LARP6: variants seen among roughly 807,000 people sequenced by gnomAD.
The protein encoded by LARP6 is la-related protein 6.
LARP6 carries 18 observed loss-of-function variants against 32.8 expected under a neutral mutation model. That is an observed-to-expected ratio of 0.55 (90% CI 0.38 to 0.81). The LOEUF (loss-of-function observed/expected upper bound fraction) is 0.81, where lower values mean the gene tolerates loss of function less well. Ranked by LOEUF, LARP6 falls within the 40% of genes least tolerant of loss-of-function variation. The pLI is 0.00. For missense variants in LARP6, 598 were observed against 663.1 expected, an observed-to-expected ratio of 0.90 and a Z score of 1.08; for synonymous variants, 289 against 267.2, an observed-to-expected ratio of 1.08 and a Z score of -0.80.
chr15:70,853,846 C>A, intron 1 of LARP6, 43 bp downstream of exon 1: 1 of 1,209,908 alleles, frequency 8.3e-7, no homozygotes. Context: ...CGCGGCCCGG[C>A]GCCCCCTCGG....
At position 70,853,946 on chromosome 15, in the gene LARP6, C is replaced by T; in HGVS notation, c.143G>A (p.Arg48Gln). Residue 48 changes from arginine (R) to glutamine (Q), a missense_variant, in exon 1 of 3, where the codon CGG becomes CAG. Arg to Gln is a conservative substitution (Grantham distance 43). Transcript: ENST00000299213. ...GCTGCCCCAGCCGGGGCTGAGGTAC[C>T]GGGCCGGGTCCCCGGCGCCCCGAGT... ...AETRGAGDPARYLSPGWGSAS... is the reference protein window; with the variant it reads ...AETRGAGDPAQYLSPGWGSAS... 5.5e-6 allele frequency: 8 copies of T among 1,446,100 alleles called. No homozygotes were observed. Among genetic ancestry groups the T allele is most frequent in the Non-Finnish European group, 7.3e-6 (8 of 1,094,612 alleles). 89.6% of individuals were successfully genotyped at this position (1,446,100 alleles called of 1,614,324 possible). A position where few individuals can be genotyped will look rare whatever the true frequency, so the allele number is the denominator to read the frequency against.
At position 70,831,147 on chromosome 15, in the gene LARP6, A is replaced by C. The variant is rs1027846411; in HGVS notation, c.*905T>G. The C allele has an allele frequency of 2.0e-5, 3 of 152,208 alleles. No individual in the cohort carries two copies. The highest frequency in any genetic ancestry group is 2.9e-5 in the Non-Finnish European group (2 of 68,058). 9.4% of individuals were successfully genotyped at this position (152,208 alleles called of 1,614,324 possible). ...ATTCAGTGGGCCTAGGGTTGGCCTG[A>C]GAATCTGGATTTCTAATAAGTTCCC... On this transcript the variant is annotated 3_prime_UTR_variant, in exon 3 of 3. Coordinates refer to ENST00000299213, the MANE Select transcript of LARP6 (RefSeq NM_018357.4).
chr15:70,832,242 C>T lies in LARP6; in HGVS notation c.1286G>A (p.Gly429Asp). 6.2e-7 allele frequency: 1 copy of T among 1,614,102 alleles called. No homozygotes were observed. Among genetic ancestry groups the T allele is most frequent in the Non-Finnish European group, 8.5e-7 (1 of 1,179,984 alleles). ...GCGACGCCTCCGGACCCAGGGGCTGCCAGAGGGAGTGACGCTGCTGTCAGA... is the reference window on the plus strand; with the variant it reads ...GCGACGCCTCCGGACCCAGGGGCTGTCAGAGGGAGTGACGCTGCTGTCAGA... The part of the protein sequence containing the change: ...YSSDSSVTPS[G>D]SPWVRRRRQA... The change falls in exon 3 of 3, where the codon GGC (glycine) becomes GAC (aspartate). Residue 429 changes from glycine to aspartate, a missense_variant. Around this residue, in one of 3 missense-constraint regions of LARP6, gnomAD observed 368 missense variants for 397.9 expected, o/e 0.92. Coordinates refer to ENST00000299213, the MANE Select transcript of LARP6 (RefSeq NM_018357.4).
chr15:70,851,416 G>T, intron 1 of LARP6: 1 of 1,197,218 alleles, frequency 8.4e-7, no homozygotes, highest in Non-Finnish European at 1.1e-6. Flanking sequence ...GTGGGGAGAT[G>T]ATCAATAACA....
chr15:70,852,844 T>C (rs1235287929), intron 1 of LARP6, among the ~76,000 whole-genome samples: 2 of 152,156 alleles, frequency 1.3e-5, no homozygotes, highest in African/African-American at 2.4e-5. Context: ...GAGCCAGTAA[T>C]AGAGAATGGC....
In LARP6 at chr15:70,830,863, G is replaced by A. The variant is rs1028230870; in HGVS notation, c.*1189C>T. ...TAACAAACATTAACCCAAGTGAGAA[G>A]GAAAGAGAGCTAACATTTATGGAGG... On this transcript the variant is annotated 3_prime_UTR_variant, in exon 3 of 3. Transcript: ENST00000299213. 3 of 152,174 alleles carry A rather than the reference G, an allele frequency of 2.0e-5. No homozygotes were observed. The highest frequency in any genetic ancestry group is 1.3e-4 in the Admixed American group (2 of 15,282). The allele number at this position is 152,174 out of a possible 1,614,324, so 9.4% of individuals were successfully genotyped here.
Position 70,832,861 on chromosome 15 carries a change from T to C in LARP6, c.667A>G (p.Thr223Ala). ...VMEHLLKLFG[T>A]FGVISSVRIL... ...CGCACTGATGAGATGACTCCAAAAG[T>C]CCCAAAAAGCTTGAGCAGGTGTTCC... Residue 223 changes from threonine to alanine, a missense_variant, in exon 3 of 3, where the codon ACT becomes GCT. Physicochemically the swap from Thr to Ala is moderately conservative, Grantham distance 58 (BLOSUM62 0). Around this residue, in one of 3 missense-constraint regions of LARP6, gnomAD observed 368 missense variants for 397.9 expected, o/e 0.92. Coordinates refer to ENST00000299213, the MANE Select transcript of LARP6 (RefSeq NM_018357.4). 1.2e-6 allele frequency: 2 copies of C among 1,611,914 alleles called. No individual in the cohort carries two copies. Among genetic ancestry groups the C allele is most frequent in the Non-Finnish European group, 1.7e-6 (2 of 1,179,316 alleles).
Position 70,830,608 on chromosome 15 carries a change from T to G in LARP6, c.*1444A>C, listed in dbSNP as rs2032023343. 6.6e-6 allele frequency: 1 copy of G among 152,264 alleles called. No individual in the cohort carries two copies. The highest frequency in any genetic ancestry group is 2.4e-5 in the African/African-American group (1 of 41,462). The allele number at this position is 152,264 out of a possible 1,614,324, so 9.4% of individuals were successfully genotyped here. On this transcript the variant is annotated 3_prime_UTR_variant, in exon 3 of 3. Transcript: ENST00000299213. The stretch of plus-strand genomic sequence containing the variant: ...ACAAGTTAATTACCCAAGTAAAGTC[T>G]GTTTTTTTCTGGAATAAAATAGAGA...
At position 70,845,093 on chromosome 15, in the gene LARP6, T is replaced by A. The variant is rs142878993; in HGVS notation, c.201-8588A>T. Among the ~76,000 whole-genome samples the A allele has an allele frequency of 4.9e-4, 74 of 152,352 alleles. 2 individuals are homozygous for A. In the East Asian group the frequency reaches 0.014, roughly 28 times the overall value. On this transcript the variant is annotated intron_variant, in intron 1 of 2. Coordinates refer to ENST00000299213, the MANE Select transcript of LARP6 (RefSeq NM_018357.4). ...CCCATATATATACACCCAGGCTTGC[T>A]CTGTTATAAATATCTTGCATTAGTA...
chr15:70,840,913 T>TA, intron 1 of LARP6, among the ~76,000 whole-genome samples: 1 of 36,772 alleles, frequency 2.7e-5, no homozygotes, highest in Non-Finnish European at 9.1e-5. Flanking sequence ...CTTTTCTCTC[T>TA]TTTTTTTTTT....
chr15:70,833,172 G>A (rs575918022), intron 2 of LARP6, 56 bp from the exon 3 acceptor site: 3 of 1,438,990 alleles, frequency 2.1e-6, no homozygotes, highest in East Asian at 4.5e-5. Context: ...CCATCCTTGT[G>A]TATGCTATAA....
rs779373641 is a variant in LARP6, at chr15:70,836,488, C to T, written c.218G>A (p.Gly73Glu). The T allele has an allele frequency of 4.3e-6, 7 of 1,614,174 alleles. No homozygotes were observed. In the Admixed American group the frequency reaches 1.2e-4, roughly 27 times the overall value. Residue 73 changes from glycine to glutamate, a missense_variant, in exon 2 of 3, where the codon GGA (glycine) becomes GAA (glutamate). This residue lies in a region of LARP6 where 161 missense variants were observed against 148.6 expected (regional missense o/e 1.08). Transcript: ENST00000299213. ...SRGHSGTTAS[G>E]GENEREDLEQ... ...CAGGTCCTCACGCTCGTTCTCACCT[C>T]CACTTGCAGTGGTGCCACTGAGACC...
rs1426373602 is a variant in LARP6 at position 70,831,011 on chromosome 15, T to C, written c.*1041A>G. 3.3e-5 allele frequency: 5 copies of C among 152,248 alleles called. No individual in the cohort carries two copies. The highest frequency in any genetic ancestry group is 1.2e-4 in the African/African-American group (5 of 41,468). 9.4% of individuals were successfully genotyped at this position (152,248 alleles called of 1,614,324 possible). On this transcript the variant is annotated 3_prime_UTR_variant, in exon 3 of 3. Transcript: ENST00000299213. ...GTGAGAGATTGGGGGTCAAATGGACTGACCTCAAGTCCTGCAGCCTTTGTC... is the reference window on the plus strand; with the variant it reads ...GTGAGAGATTGGGGGTCAAATGGACCGACCTCAAGTCCTGCAGCCTTTGTC...
rs542637890 is a variant in LARP6, at chr15:70,844,488, A to G, written c.201-7983T>C. Among the ~76,000 whole-genome samples, 10 of 152,240 alleles carry G rather than the reference A, an allele frequency of 6.6e-5. No homozygotes were observed. In the East Asian group the frequency reaches 1.7e-3, roughly 26 times the overall value. ...GTAACTAATATTCTATATTTTATCT[A>G]TAGATACATACTGAAAGTTGAAAGT... On this transcript the variant is annotated intron_variant, in intron 1 of 2. Transcript: ENST00000299213.
chr15:70,842,056 T>C (rs985506622), intron 1 of LARP6, among the ~76,000 whole-genome samples: 1 of 152,092 alleles, frequency 6.6e-6, no homozygotes, highest in Non-Finnish European at 1.5e-5. Context: ...TTTTCTTTTC[T>C]CTTTTTGAGA....
chr15:70,850,629 G>A (rs1202523877), intron 1 of LARP6, among the ~76,000 whole-genome samples: 1 of 152,184 alleles, frequency 6.6e-6, no homozygotes, highest in Non-Finnish European at 1.5e-5. Flanking sequence ...AAGACAACCT[G>A]TACGATGGAG....
Position 70,831,925 on chromosome 15 carries a change from A to G in LARP6, c.*127T>C, listed in dbSNP as rs2032047140. The G allele has an allele frequency of 1.6e-6, 1 of 635,254 alleles. No homozygotes were observed. Among genetic ancestry groups the G allele is most frequent in the Non-Finnish European group, 2.7e-6 (1 of 376,908 alleles). 39.4% of individuals were successfully genotyped at this position (635,254 alleles called of 1,614,324 possible). ...TATGTATATTACAGATAGATAAATT[A>G]AGAGGTCTACATGAATAAAAAATCT... On this transcript the variant is annotated 3_prime_UTR_variant, in exon 3 of 3. Transcript: ENST00000299213.
chr15:70,847,739 T>C (rs2141057702), intron 1 of LARP6, among the ~76,000 whole-genome samples: 1 of 152,254 alleles, frequency 6.6e-6, no homozygotes, highest in Admixed American at 6.5e-5. Flanking sequence ...CGAATCTGGT[T>C]ACACTGATTG....
At chr15:70,835,546 C>T (rs942848028) in intron 2 of LARP6, among the ~76,000 whole-genome samples, 3 of 152,230 alleles carry the variant, frequency 2.0e-5, no homozygotes, top group Non-Finnish European at 2.9e-5. Context: ...CTCCAGTGCA[C>T]TCTGACAAAG....
Sources: allele counts gnomAD v4.1 joint callset (sites outside exome capture counted in the v4.1 genomes callset), GRCh38; gene constraint gnomAD v4.1.1; regional missense constraint gnomAD v4.1.1; transcripts MANE v1.5; gene names NCBI Gene and HGNC (gene_info 2026-07-23, HGNC 2026-07-21).